The following MARCHF1 variants were observed in gnomAD, a reference collection of about 807,000 sequenced individuals.
MARCHF1 encodes membrane associated ring-CH-type finger 1.
Under a neutral mutation model 54.2 loss-of-function variants are expected in MARCHF1, and 40 were observed. The observed-to-expected ratio is 0.74, with a 90% CI of 0.57 to 0.96. The LOEUF (loss-of-function observed/expected upper bound fraction) is 0.96, where lower values mean the gene tolerates loss of function less well. Ranked by LOEUF, MARCHF1 falls within the 40% of genes least tolerant of loss-of-function variation. The pLI, the probability that MARCHF1 is intolerant of heterozygous loss-of-function variation, is 0.00. For synonymous variants in MARCHF1, 236 were observed against 236.3 expected, an observed-to-expected ratio of 1.00 and a Z score of 0.01; for missense variants, 586 against 656.5, an observed-to-expected ratio of 0.89 and a Z score of 1.17.
At chr4:163,532,912 T>C (rs897144404) in intron 9 of MARCHF1, among the ~76,000 whole-genome samples, 4 of 151,982 alleles carry the variant, frequency 2.6e-5, no homozygotes, top group African/African-American at 9.7e-5. Context: ...CATTCATTGC[T>C]GATAGGTATG....
chr4:163,833,881 G>T (rs935085173), intron 4 of MARCHF1, among the ~76,000 whole-genome samples: 2 of 152,102 alleles, frequency 1.3e-5, no homozygotes, highest in African/African-American at 4.8e-5. Flanking sequence ...AAGCTTTTCT[G>T]AGGCAATTAG....
intron 2 of MARCHF1, among the ~76,000 whole-genome samples, chr4:163,998,302 C>T (rs867365607): frequency 6.6e-6 from 1 of 151,254 alleles, no homozygotes; most frequent in Non-Finnish European, 1.5e-5. Context: ...AAACTTTAAA[C>T]AATATTAATA....
At chr4:164,027,362 T>TTAAAA (rs1753790673) in intron 2 of MARCHF1, among the ~76,000 whole-genome samples, 1 of 10,778 alleles carries the variant, frequency 9.3e-5, no homozygotes, top group Non-Finnish European at 3.0e-4. Flanking sequence ...ATGGTACAGG[T>TTAAAA]AAAAAAAAAA....
chr4:163,847,885 T>C (rs769374546), intron 4 of MARCHF1, among the ~76,000 whole-genome samples: 1 of 152,204 alleles, frequency 6.6e-6, no homozygotes, highest in Non-Finnish European at 1.5e-5. Flanking sequence ...CCGGCTGAGT[T>C]AGTCTTTCCA....
chr4:163,682,885 C>T (rs1224020190), intron 5 of MARCHF1, among the ~76,000 whole-genome samples: 1 of 152,140 alleles, frequency 6.6e-6, no homozygotes, highest in African/African-American at 2.4e-5. Context: ...TTATAAATTA[C>T]TCAGTCTTGG....
At chr4:164,271,958 CAT>C (rs1733755279) in intron 1 of MARCHF1, among the ~76,000 whole-genome samples, 1 of 151,764 alleles carries the variant, frequency 6.6e-6, no homozygotes. Flanking sequence ...AAAAATAAGA[CAT>C]AGAACAAGCA....
intron 1 of MARCHF1, among the ~76,000 whole-genome samples, chr4:164,381,003 A>T (rs967809392): frequency 6.6e-6 from 1 of 152,216 alleles, no homozygotes; most frequent in African/African-American, 2.4e-5. Flanking sequence ...TATCTGTTAA[A>T]TCACACAACT....
intron 5 of MARCHF1, among the ~76,000 whole-genome samples, chr4:163,698,015 C>A (rs1230840706): frequency 6.6e-6 from 1 of 152,128 alleles, no homozygotes; most frequent in African/African-American, 2.4e-5. Context: ...ATAAAAATAG[C>A]TAATGCACAG....
intron 4 of MARCHF1, among the ~76,000 whole-genome samples, chr4:163,775,770 G>C (rs913439362): frequency 6.6e-6 from 1 of 152,110 alleles, no homozygotes; most frequent in South Asian, 2.1e-4. Context: ...ATTGATCTGA[G>C]TTGAGTGGAT....
In MARCHF1 at chr4:164,217,792, C is replaced by T. The variant is rs1004714196; in HGVS notation, c.-322-106130G>A. On this transcript the variant is annotated intron_variant, in intron 1 of 9. Coordinates refer to ENST00000514618, the MANE Select transcript of MARCHF1 (RefSeq NM_001394959.1). ...AGCCTAAAAGGTGCTCCCCACTCAT[C>T]GGTCTCCCTGTTCTTTTTGCCTATA... 3.3e-5 allele frequency among the ~76,000 whole-genome samples: 5 copies of T among 152,126 alleles called. No individual in the cohort carries two copies. The South Asian group carries it at 6.2e-4, about 19-fold the overall frequency.
intron 1 of MARCHF1, among the ~76,000 whole-genome samples, chr4:164,162,463 C>T (rs911955426): frequency 1.3e-5 from 2 of 152,046 alleles, no homozygotes; most frequent in African/African-American, 2.4e-5. Context: ...TGACAGGAGC[C>T]GTGACCTTCA....
At chr4:164,215,441 A>C (rs1429239706) in intron 1 of MARCHF1, among the ~76,000 whole-genome samples, 1 of 151,960 alleles carries the variant, frequency 6.6e-6, no homozygotes, top group African/African-American at 2.4e-5. Flanking sequence ...TAGGCACAGG[A>C]TGGGGGTGTG....
intron 5 of MARCHF1, among the ~76,000 whole-genome samples, chr4:163,628,388 G>A (rs949792741): frequency 4.6e-5 from 7 of 152,106 alleles, no homozygotes; most frequent in Non-Finnish European, 8.8e-5. Context: ...GGCATTGATG[G>A]AACGTATCTC....
chr4:163,925,205 A>G (rs1187906753), intron 3 of MARCHF1, among the ~76,000 whole-genome samples: 2 of 151,532 alleles, frequency 1.3e-5, no homozygotes, highest in African/African-American at 4.8e-5. Context: ...GTTATTTTCA[A>G]GAGAGGGAAG....
chr4:164,117,762 T>G (rs1755967994), intron 1 of MARCHF1, among the ~76,000 whole-genome samples: 1 of 151,894 alleles, frequency 6.6e-6, no homozygotes, highest in African/African-American at 2.4e-5. Context: ...TAGGTGGGCA[T>G]GATGGTGGGC....
chr4:164,056,903 G>T (rs1227295288), intron 2 of MARCHF1, among the ~76,000 whole-genome samples: 4 of 151,986 alleles, frequency 2.6e-5, no homozygotes, highest in Non-Finnish European at 4.4e-5. Flanking sequence ...TCAGCCTCTC[G>T]CTCTCACACT....
chr4:164,199,933 G>T (rs572344626), intron 1 of MARCHF1, among the ~76,000 whole-genome samples: 23 of 152,220 alleles, frequency 1.5e-4, no homozygotes, highest in African/African-American at 5.3e-4. Flanking sequence ...CAAACTATTG[G>T]AAGTTCCCAG....
chr4:164,165,158 C>G (rs1263114326), intron 1 of MARCHF1, among the ~76,000 whole-genome samples: 1 of 151,920 alleles, frequency 6.6e-6, no homozygotes, highest in Non-Finnish European at 1.5e-5. Flanking sequence ...CTAGTAAAAG[C>G]TCTGACCCAG....
chr4:163,574,745 G>A (rs1167460165), intron 8 of MARCHF1, among the ~76,000 whole-genome samples: 3 of 152,106 alleles, frequency 2.0e-5, no homozygotes, highest in Non-Finnish European at 4.4e-5. Context: ...AAGTCAGGTA[G>A]TGTGATGCCT....
Sources: allele counts gnomAD v4.1 joint callset (sites outside exome capture counted in the v4.1 genomes callset), GRCh38; gene constraint gnomAD v4.1.1; transcripts MANE v1.5; gene names NCBI Gene and HGNC (gene_info 2026-07-23, HGNC 2026-07-21).